The following NEK7 variants were observed in gnomAD, a reference collection of about 807,000 sequenced individuals.
The protein encoded by NEK7 is serine/threonine-protein kinase Nek7.
Under a neutral mutation model 44.6 loss-of-function variants are expected in NEK7, and 18 were observed. The observed-to-expected ratio is 0.40, with a 90% CI of 0.28 to 0.60. The LOEUF is 0.60. Ranked by LOEUF, NEK7 falls within the 20% of genes least tolerant of loss-of-function variation. The pLI, the probability that NEK7 is intolerant of heterozygous loss-of-function variation, is 0.38. For missense variants in NEK7, 256 were observed against 366.5 expected (o/e 0.70, Z 2.46); for synonymous variants, 130 against 121.1 (o/e 1.07, Z -0.48).
At chr1:198,232,401 T>TTTA (rs1666420906) in intron 1 of NEK7, among the ~76,000 whole-genome samples, 152 bp from the exon 2 acceptor site, 1 of 152,190 alleles carries the variant, frequency 6.6e-6, no homozygotes, top group Non-Finnish European at 1.5e-5. Flanking sequence ...AGAGCTTGGA[T>TTTA]TTAGCAAATG....
At position 198,256,491 on chromosome 1, in the gene NEK7, A is replaced by G. The variant is rs745407102; in HGVS notation, c.198+3311A>G. The G allele has an allele frequency of 6.9e-6, 11 of 1,584,386 alleles. No individual in the cohort carries two copies. In the South Asian group the frequency reaches 9.3e-5, roughly 13 times the overall value. On this transcript the variant is annotated intron_variant, in intron 3 of 9. Coordinates refer to ENST00000367385, the MANE Select transcript of NEK7 (RefSeq NM_133494.3). ...CATGGTTCATTTGCAAAAAAATAAGATGGTACCTTAACTAATAAAACAATT... is the reference window on the plus strand; with the variant it reads ...CATGGTTCATTTGCAAAAAAATAAGGTGGTACCTTAACTAATAAAACAATT...
intron 9 of NEK7, among the ~76,000 whole-genome samples, chr1:198,305,356 G>T (rs1409293804): frequency 6.6e-6 from 1 of 152,084 alleles, no homozygotes; most frequent in Non-Finnish European, 1.5e-5. Flanking sequence ...TAGAATCATT[G>T]CACAGTATTG....
At chr1:198,228,668 TTGTC>T (rs1398923814) in intron 1 of NEK7, among the ~76,000 whole-genome samples, 1 of 152,154 alleles carries the variant, frequency 6.6e-6, no homozygotes, top group African/African-American at 2.4e-5. Context: ...GGCTCTCTGT[TTGTC>T]TGTTATTGGT....
intron 9 of NEK7, among the ~76,000 whole-genome samples, chr1:198,313,583 G>T (rs1366796472): frequency 1.5e-5 from 2 of 135,896 alleles, no homozygotes; most frequent in African/African-American, 6.0e-5. Flanking sequence ...GGTACCGGTT[G>T]TTCCTTTCCA....
At chr1:198,268,724 C>G (rs1056376086) in intron 5 of NEK7, among the ~76,000 whole-genome samples, 1 of 152,090 alleles carries the variant, frequency 6.6e-6, no homozygotes, top group Admixed American at 6.6e-5. Flanking sequence ...ACAGAAGATA[C>G]GCTCCCTCAG....
intron 1 of NEK7, among the ~76,000 whole-genome samples, chr1:198,183,888 G>A (rs1379211689): frequency 6.6e-6 from 1 of 152,158 alleles, no homozygotes; most frequent in African/African-American, 2.4e-5. Context: ...AGAAACAGGT[G>A]AAGAAAATGT....
chr1:198,306,989 A>T (rs1361700153), intron 9 of NEK7, among the ~76,000 whole-genome samples: 1 of 152,142 alleles, frequency 6.6e-6, no homozygotes, highest in African/African-American at 2.4e-5. Flanking sequence ...GAGATAATTT[A>T]TTGCAATGGA....
chr1:198,254,014 T>G (rs1653166771), intron 3 of NEK7, among the ~76,000 whole-genome samples: 1 of 152,190 alleles, frequency 6.6e-6, no homozygotes, highest in Non-Finnish European at 1.5e-5. Flanking sequence ...CTACAGACTA[T>G]TTTGCTTTGC....
At chr1:198,256,923 A>G (rs998674867) in intron 3 of NEK7, among the ~76,000 whole-genome samples, 4 of 152,190 alleles carry the variant, frequency 2.6e-5, no homozygotes, top group African/African-American at 9.6e-5. Flanking sequence ...GATTAGAGCT[A>G]TAGGAATGAA....
chr1:198,220,899 G>C (rs886746489), intron 1 of NEK7: 3 of 151,942 alleles, frequency 2.0e-5, no homozygotes, highest in African/African-American at 7.3e-5. Flanking sequence ...TCAATGAAAT[G>C]TCTTATTAAT....
chr1:198,297,381 C>A, intron 9 of NEK7, 141 bp downstream of exon 9: 1 of 1,006,350 alleles, frequency 9.9e-7, no homozygotes, highest in Non-Finnish European at 1.5e-6. Context: ...TGTTTTCATT[C>A]TCTTGGAGAC....
At chr1:198,245,680 A>C (rs1338529891) in intron 2 of NEK7, among the ~76,000 whole-genome samples, 4 of 152,234 alleles carry the variant, frequency 2.6e-5, no homozygotes, top group Non-Finnish European at 5.9e-5. Context: ...TAGATAAGGC[A>C]TCATTATCCT....
chr1:198,189,250 CGTT>C (rs1217627166), intron 1 of NEK7, among the ~76,000 whole-genome samples: 2 of 151,996 alleles, frequency 1.3e-5, no homozygotes, highest in African/African-American at 2.4e-5. Context: ...TTTTTAAAAA[CGTT>C]GTTATTTTTG....
At chr1:198,189,705 A>G (rs1035141571) in intron 1 of NEK7, among the ~76,000 whole-genome samples, 39 of 152,158 alleles carry the variant, frequency 2.6e-4, no homozygotes, top group African/African-American at 9.2e-4. Context: ...CAAACAGCTT[A>G]AAGTTATTTT....
intron 1 of NEK7, among the ~76,000 whole-genome samples, chr1:198,171,549 C>G (rs1020468566): frequency 1.3e-5 from 2 of 151,898 alleles, no homozygotes; most frequent in Admixed American, 1.3e-4. Flanking sequence ...CATGGTGGCG[C>G]ACTCCTGTAA....
At chr1:198,192,508 G>T (rs1452143620) in intron 1 of NEK7, among the ~76,000 whole-genome samples, 1 of 152,072 alleles carries the variant, frequency 6.6e-6, no homozygotes, top group Non-Finnish European at 1.5e-5. Context: ...GGACCAGGTA[G>T]ATGGTGGTAT....
chr1:198,279,695 C>G (rs1008365815), intron 7 of NEK7, among the ~76,000 whole-genome samples: 2 of 151,308 alleles, frequency 1.3e-5, no homozygotes, highest in Non-Finnish European at 2.9e-5. Context: ...CATAGAAAGC[C>G]TTTTTTTTAA....
intron 1 of NEK7, among the ~76,000 whole-genome samples, chr1:198,193,001 C>CA (rs1172443979): frequency 1.3e-5 from 2 of 148,584 alleles, no homozygotes; most frequent in African/African-American, 2.5e-5. Context: ...AAAAACTCTT[C>CA]AAAAAATCAA....
chr1:198,165,460 AAAC>A (rs1200517266), intron 1 of NEK7, among the ~76,000 whole-genome samples: 21 of 152,350 alleles, frequency 1.4e-4, no homozygotes, highest in African/African-American at 5.1e-4. Flanking sequence ...GTAGGCATGA[AAAC>A]AACATTAATC....
Sources: allele counts gnomAD v4.1 joint callset (sites outside exome capture counted in the v4.1 genomes callset), GRCh38; gene constraint gnomAD v4.1.1; transcripts MANE v1.5; gene names NCBI Gene and HGNC (gene_info 2026-07-23, HGNC 2026-07-21).